ECSCR: variants seen among roughly 807,000 people sequenced by gnomAD.
The protein encoded by ECSCR is endothelial cell surface expressed chemotaxis and apoptosis regulator.
In ECSCR, 12 loss-of-function variants were observed where a neutral mutation model predicts 16.7. The ratio of observed to expected loss-of-function variants is 0.72; its 90% CI spans 0.46 to 1.17. The LOEUF (loss-of-function observed/expected upper bound fraction) is 1.17, where lower values mean the gene tolerates loss of function less well. Ranked by LOEUF, ECSCR falls within the 50% of genes most tolerant of loss-of-function variation. The probability of loss-of-function intolerance (pLI) is 0.00; values close to 1 mark genes in which losing one functional copy is unlikely to be tolerated. For missense variants in ECSCR, 122 were observed against 116.1 expected (o/e 1.05, Z -0.23); for synonymous variants, 44 against 42.2 (o/e 1.04, Z -0.17).
intron 1 of ECSCR, among the ~76,000 whole-genome samples, chr5:139,458,518 A>C (rs1751217742): frequency 7.4e-6 from 1 of 135,004 alleles, no homozygotes; most frequent in African/African-American, 2.6e-5. Flanking sequence ...AAAAAAAAAA[A>C]AAAAAAAAAA....
At position 139,449,536 on chromosome 5, in the gene ECSCR, A is replaced by G. The variant is rs540815006; in HGVS notation, c.513-362T>C. Among the ~76,000 whole-genome samples the G allele has an allele frequency of 5.3e-5, 8 of 151,988 alleles. 1 individual carries two copies. The East Asian group carries it at 1.5e-3, about 29-fold the overall frequency. ...TATTTTTTAGTAGAGACAGGATTTT[A>G]CCATGTTGGCCAGGCTGGTCTTGAA... On this transcript the variant is annotated intron_variant, in intron 8 of 9. Coordinates refer to ENST00000618155, the MANE Select transcript of ECSCR (RefSeq NM_001077693.4).
At chr5:139,454,963 G>T in intron 6 of ECSCR, 40 bp from the exon 7 acceptor site, 1 of 398,740 alleles carries the variant, frequency 2.5e-6, no homozygotes, top group South Asian at 1.3e-4. Context: ...GGCCAGTCGG[G>T]GGGACAAAGG....
intron 5 of ECSCR, 127 bp downstream of exon 5, chr5:139,456,346 TC>T: frequency 2.6e-6 from 1 of 390,560 alleles, no homozygotes; most frequent in Non-Finnish European, 4.5e-6. Flanking sequence ...CACTTATCTC[TC>T]CTCACTTCCC....
intron 1 of ECSCR, among the ~76,000 whole-genome samples, chr5:139,460,266 G>C (rs1751267800): frequency 6.6e-6 from 1 of 151,968 alleles, no homozygotes; most frequent in African/African-American, 2.4e-5. Context: ...CTCCTGAGTA[G>C]CTGGGATTAC....
intron 8 of ECSCR, among the ~76,000 whole-genome samples, chr5:139,454,095 G>A (rs1751103222): frequency 6.9e-6 from 1 of 144,912 alleles, no homozygotes; most frequent in Non-Finnish European, 1.5e-5. Context: ...TATGTGTGGG[G>A]TGTGTGTGTG....
At chr5:139,458,328 T>G (rs1429878923) in intron 1 of ECSCR, 145 bp from the exon 2 acceptor site, 5 of 690,934 alleles carry the variant, frequency 7.2e-6, no homozygotes, top group Non-Finnish European at 9.5e-6. Context: ...TTGTTTTGTT[T>G]TTTTTTTTTT....
At chr5:139,449,944 G>A (rs926824723) in intron 8 of ECSCR, among the ~76,000 whole-genome samples, 2 of 151,802 alleles carry the variant, frequency 1.3e-5, no homozygotes, top group Non-Finnish European at 2.9e-5. Context: ...CACCCAGGCT[G>A]GAGTGCAGTG....
chr5:139,457,606 T>C lies in ECSCR; in HGVS notation c.158-2A>G, dbSNP rs1192798549. 8.9e-6 allele frequency: 8 copies of C among 894,928 alleles called. No homozygotes were observed. Among genetic ancestry groups the C allele is most frequent in the African/African-American group, 8.2e-5 (5 of 61,204 alleles). The allele number at this position is 894,928 out of a possible 1,614,324, so 55.4% of individuals were successfully genotyped here. A position where few individuals can be genotyped will look rare whatever the true frequency, so the allele number is the denominator to read the frequency against. Reference sequence around the variant, plus strand: ...TAGCCTCTGAGGAAGGGATGTATCCTGCAAGGACAGAGGCAGATAGGGAGT... The same window carrying C: ...TAGCCTCTGAGGAAGGGATGTATCCCGCAAGGACAGAGGCAGATAGGGAGT... On this transcript the variant is annotated splice_acceptor_variant, in intron 3 of 9. Transcript: ENST00000618155. LOFTEE classifies it high-confidence loss of function.
At position 139,448,722 on chromosome 5, in the gene ECSCR, T is replaced by C. The variant is rs1750963264; in HGVS notation, c.*178A>G. ...TGTCCATACAGGAAAGAGTCTCCCC[T>C]GTTGGTAGCTTGCTCCCAGATCTGG... On this transcript the variant is annotated 3_prime_UTR_variant, in exon 10 of 10. Transcript: ENST00000618155. 6.3e-6 allele frequency: 9 copies of C among 1,435,314 alleles called. No homozygotes were observed. The highest frequency in any genetic ancestry group is 1.4e-5 in the African/African-American group (1 of 69,822). 88.9% of individuals were successfully genotyped at this position (1,435,314 alleles called of 1,614,324 possible). A position where few individuals can be genotyped will look rare whatever the true frequency, so the allele number is the denominator to read the frequency against.
Position 139,457,792 on chromosome 5 carries a change from A to G in ECSCR, c.122T>C (p.Leu41Pro), listed in dbSNP as rs759071078. ...TSSSQGGLGG[L>P]SLTTEPVSSN... Reference sequence around the variant, plus strand: ...AGAAACTGGCTCTGTGGTCAGACTTAGACCGCCAAGGCCTCCTGAAACAGA... The same window carrying G: ...AGAAACTGGCTCTGTGGTCAGACTTGGACCGCCAAGGCCTCCTGAAACAGA... The change falls in exon 3 of 10, where the codon CTA (leucine) becomes CCA (proline). Residue 41 changes from leucine to proline, a missense_variant. Physicochemically the swap from Leu to Pro is moderately conservative, Grantham distance 98. Coordinates refer to ENST00000618155, the MANE Select transcript of ECSCR (RefSeq NM_001077693.4). 7 of 1,610,484 alleles carry G rather than the reference A, an allele frequency of 4.3e-6. No homozygotes were observed. The highest frequency in any genetic ancestry group is 5.9e-6 in the Non-Finnish European group (7 of 1,178,304).
In ECSCR at chr5:139,448,839, C is replaced by T. The variant is rs1750965497; in HGVS notation, c.*61G>A. 1 of 1,532,374 alleles carries T rather than the reference C, an allele frequency of 6.5e-7. No individual in the cohort carries two copies. Among genetic ancestry groups the T allele is most frequent in the Non-Finnish European group, 8.7e-7 (1 of 1,145,620 alleles). The allele number at this position is 1,532,374 out of a possible 1,614,324, so 94.9% of individuals were successfully genotyped here. A position where few individuals can be genotyped will look rare whatever the true frequency, so the allele number is the denominator to read the frequency against. ...ATTGCCTCTACTAATTCCATCTCTT[C>T]CTCCTTGTAGTCACAGGGCAGCTGC... is the stretch of plus-strand genomic sequence containing the variant. On this transcript the variant is annotated 3_prime_UTR_variant, in exon 10 of 10. Coordinates refer to ENST00000618155, the MANE Select transcript of ECSCR (RefSeq NM_001077693.4).
chr5:139,460,133 G>GTT (rs534175242), intron 1 of ECSCR, among the ~76,000 whole-genome samples: 5 of 140,988 alleles, frequency 3.5e-5, no homozygotes, highest in African/African-American at 1.3e-4. Context: ...TGTATTTTTT[G>GTT]TTTTTTTTTT....
At chr5:139,461,015 G>A (rs1407689792) in intron 1 of ECSCR, among the ~76,000 whole-genome samples, 1 of 152,068 alleles carries the variant, frequency 6.6e-6, no homozygotes, top group Non-Finnish European at 1.5e-5. Context: ...GCAAAAATTA[G>A]CTGGGTGTGG....
chr5:139,457,576 C>T lies in ECSCR; in HGVS notation c.186G>A (p.Arg62=), dbSNP rs1206492270. 2.6e-5 allele frequency: 21 copies of T among 807,568 alleles called. No individual in the cohort carries two copies. In the Admixed American group the frequency reaches 3.6e-4, roughly 14 times the overall value. 50.0% of individuals were successfully genotyped at this position (807,568 alleles called of 1,614,324 possible). The stretch of plus-strand genomic sequence containing the variant: ...TACCAGTGCTGGACAGATGGCTTGG[C>T]CTGTTAGCCTCTGAGGAAGGGATGT... ...PGYIPSSEAN[R]PSHLSSTGTP... Residue 62 remains arginine (R), a synonymous_variant, in exon 4 of 10, where the codon AGG becomes AGA. Transcript: ENST00000618155.
At chr5:139,457,633 G>A (rs1318575262) in intron 3 of ECSCR, 29 bp from the exon 4 acceptor site, 1 of 1,038,556 alleles carries the variant, frequency 9.6e-7, no homozygotes, top group South Asian at 1.3e-5. Context: ...ATAGGGAGTG[G>A]GAGGTGGGGT....
Position 139,448,674 on chromosome 5 carries a change from G to T in ECSCR, c.*226C>A. On this transcript the variant is annotated 3_prime_UTR_variant, in exon 10 of 10. Coordinates refer to ENST00000618155, the MANE Select transcript of ECSCR (RefSeq NM_001077693.4). ...CTGTGGCTCTGAGGAGGTGGGAGAAGCAGGCAGTATTTCCACAGCAGCTGT... is the reference window on the plus strand; with the variant it reads ...CTGTGGCTCTGAGGAGGTGGGAGAATCAGGCAGTATTTCCACAGCAGCTGT... The T allele has an allele frequency of 7.5e-7, 1 of 1,341,068 alleles. No individual in the cohort carries two copies. Among genetic ancestry groups the T allele is most frequent in the Non-Finnish European group, 9.7e-7 (1 of 1,032,090 alleles). 83.1% of individuals were successfully genotyped at this position (1,341,068 alleles called of 1,614,324 possible).
intron 8 of ECSCR, among the ~76,000 whole-genome samples, chr5:139,449,498 C>T (rs1376486768): frequency 5.9e-5 from 9 of 151,934 alleles, no homozygotes; most frequent in Admixed American, 3.9e-4. Context: ...CCACCATGCC[C>T]GGCTAATTTT....
At chr5:139,452,273 G>T (rs1285735834) in intron 8 of ECSCR, among the ~76,000 whole-genome samples, 2 of 28,346 alleles carry the variant, frequency 7.1e-5, no homozygotes, top group African/African-American at 1.3e-4. Flanking sequence ...TGTGTATAGT[G>T]TGGGGTGTGG....
At chr5:139,455,237 T>G (rs1458315757) in intron 6 of ECSCR, 86 bp downstream of exon 6, 7 of 261,862 alleles carry the variant, frequency 2.7e-5, no homozygotes, top group Admixed American at 2.3e-4. Context: ...TGGGTGAGAT[T>G]TGAACTTGCG....
Sources: gnomAD v4.1 joint callset for allele counts (sites outside exome capture counted in the v4.1 genomes callset) on GRCh38, gnomAD v4.1.1 for gene constraint, MANE v1.5 for transcripts, NCBI Gene and HGNC (gene_info 2026-07-23, HGNC 2026-07-21) for gene names.